The following UTP4 variants were observed in gnomAD, a reference collection of about 807,000 sequenced individuals.
The protein encoded by UTP4 is UTP4 small subunit processome component.
In UTP4, 45 loss-of-function variants were observed where a neutral mutation model predicts 82.4. That is an observed-to-expected ratio of 0.55 (90% confidence interval 0.43 to 0.70). UTP4 has a LOEUF of 0.70. Ranked by LOEUF, UTP4 falls within the 30% of genes least tolerant of loss-of-function variation. UTP4 has a pLI of 0.00. For missense variants in UTP4, 819 were observed against 858.3 expected (o/e 0.95, Z 0.57); for synonymous variants, 348 against 300.3 (o/e 1.16, Z -1.64).
rs986340403 is a variant in UTP4 at position 69,160,560 on chromosome 16, AT to A, written c.1551+101del. On this transcript the variant is annotated intron_variant, in intron 13 of 16. Coordinates refer to ENST00000314423, the MANE Select transcript of UTP4 (RefSeq NM_032830.3). Reference sequence around the variant, plus strand: ...CAAGGCAGATTGGCATGACCTGGAAATTTATTAGACTTTTTTCTTTTTATTT... The same window carrying A: ...CAAGGCAGATTGGCATGACCTGGAAATTATTAGACTTTTTTCTTTTTATTT... 3.5e-6 allele frequency: 3 copies of A among 854,832 alleles called. No homozygotes were observed. The Admixed American group carries it at 5.7e-5, about 16-fold the overall frequency. 53.0% of individuals were successfully genotyped at this position (854,832 alleles called of 1,614,324 possible).
Position 69,139,822 on chromosome 16 carries a change from A to T in UTP4, c.437-3A>T, listed in dbSNP as rs767875222. ...TTTCTTTTTTTGTTGTCCAACTCCC[A>T]AGGTCGCATCCTGAGTCTCAGCTGG... On this transcript the variant is annotated splice_region_variant and splice_polypyrimidine_tract_variant and intron_variant, in intron 4 of 16. Coordinates refer to ENST00000314423, the MANE Select transcript of UTP4 (RefSeq NM_032830.3). The T allele has an allele frequency of 1.2e-6, 2 of 1,611,332 alleles. No individual in the cohort carries two copies. The highest frequency in any genetic ancestry group is 1.7e-6 in the Non-Finnish European group (2 of 1,177,508).
At chr16:69,162,985 T>G (rs1353263791) in intron 13 of UTP4, 98 bp from the exon 14 acceptor site, 2 of 925,912 alleles carry the variant, frequency 2.2e-6, no homozygotes, top group Non-Finnish European at 3.6e-6. Flanking sequence ...TTTTGAATTA[T>G]GAGGAGCAGT....
chr16:69,145,716 A>G (rs1298555330), intron 6 of UTP4, among the ~76,000 whole-genome samples: 1 of 152,016 alleles, frequency 6.6e-6, no homozygotes, highest in Non-Finnish European at 1.5e-5. Flanking sequence ...CCTCAGGGCC[A>G]CCTTATGTGC....
chr16:69,136,654 A>C (rs1401050454), intron 2 of UTP4, 42 bp from the exon 3 acceptor site: 1 of 1,605,144 alleles, frequency 6.2e-7, no homozygotes. Context: ...CCGGTACCTG[A>C]TGAATTTGTG....
chr16:69,143,414 G>C, intron 6 of UTP4, 25 bp downstream of exon 6: 1 of 1,601,918 alleles, frequency 6.2e-7, no homozygotes, highest in Non-Finnish European at 8.6e-7. Context: ...TGTTTAGAGT[G>C]GTTGATGTAC....
chr16:69,167,343 T>G (rs1227165272), intron 16 of UTP4, 158 bp downstream of exon 16: 1 of 655,354 alleles, frequency 1.5e-6, no homozygotes, highest in Non-Finnish European at 2.7e-6. Context: ...CTGTCCCTTG[T>G]ATATGTTTTA....
At chr16:69,144,729 C>T (rs368598863) in intron 6 of UTP4, among the ~76,000 whole-genome samples, 2 of 151,992 alleles carry the variant, frequency 1.3e-5, no homozygotes, top group East Asian at 3.9e-4. Context: ...ATGTTAAGGC[C>T]CTGAAAAACA....
At chr16:69,147,262 G>A (rs978785879) in intron 6 of UTP4, among the ~76,000 whole-genome samples, 1 of 151,424 alleles carries the variant, frequency 6.6e-6, no homozygotes, top group Non-Finnish European at 1.5e-5. Context: ...CTACCACTTT[G>A]GGAGGCCGAT....
rs1963081133 is a variant in UTP4 at position 69,145,363 on chromosome 16, C to CGA, written c.738+1975_738+1976dup. Among the ~76,000 whole-genome samples, 9 of 151,868 alleles carry CGA rather than the reference C, an allele frequency of 5.9e-5. No homozygotes were observed. In the South Asian group the frequency reaches 1.9e-3, roughly 32 times the overall value. On this transcript the variant is annotated intron_variant, in intron 6 of 16. Transcript: ENST00000314423. Reference sequence around the variant, plus strand: ...ACAACCTCTGTCTCCTGGGTTCAAGCGATTCTCCTGACTCAGCCTCCCAAG... The same window carrying CGA: ...ACAACCTCTGTCTCCTGGGTTCAAGCGAGATTCTCCTGACTCAGCCTCCCAAG...
At chr16:69,141,923 G>T (rs1024552311) in intron 5 of UTP4, among the ~76,000 whole-genome samples, 1 of 151,376 alleles carries the variant, frequency 6.6e-6, no homozygotes, top group Non-Finnish European at 1.5e-5. Context: ...GTGCCATGCT[G>T]GTGTGCTGCA....
chr16:69,161,540 G>A (rs561465109), intron 13 of UTP4, among the ~76,000 whole-genome samples: 7 of 152,320 alleles, frequency 4.6e-5, no homozygotes, highest in Non-Finnish European at 8.8e-5. Context: ...TTTAAACCTG[G>A]TGTAGAGCTG....
intron 2 of UTP4, 123 bp from the exon 3 acceptor site, chr16:69,136,573 A>G (rs980192856): frequency 4.4e-6 from 4 of 900,884 alleles, no homozygotes; most frequent in Non-Finnish European, 7.5e-6. Context: ...GCATGATCTG[A>G]TAGCACAAAA....
intron 3 of UTP4, 45 bp from the exon 4 acceptor site, chr16:69,137,756 T>C: frequency 9.5e-7 from 1 of 1,057,478 alleles, no homozygotes; most frequent in South Asian, 1.3e-5. Context: ...TCCTATAAAA[T>C]GTTTACTATT....
chr16:69,138,227 T>TTTTC (rs1280536021), intron 4 of UTP4, among the ~76,000 whole-genome samples: 1 of 146,518 alleles, frequency 6.8e-6, no homozygotes. Flanking sequence ...ACTATGGTTC[T>TTTTC]TTTCTTTCTT....
intron 6 of UTP4, among the ~76,000 whole-genome samples, chr16:69,143,833 GATT>G (rs754407984): frequency 9.9e-5 from 15 of 152,208 alleles, no homozygotes; most frequent in Non-Finnish European, 1.8e-4. Context: ...AAAGTGCTGG[GATT>G]ATAGGCAGGA....
At chr16:69,147,676 G>A (rs185095370) in intron 6 of UTP4, among the ~76,000 whole-genome samples, 85 of 152,170 alleles carry the variant, frequency 5.6e-4, no homozygotes, top group African/African-American at 1.9e-3. Flanking sequence ...TTGGGGATGG[G>A]ACCCCAGCCT....
chr16:69,133,665 C>G (rs1438535516), intron 2 of UTP4, 47 bp downstream of exon 2: 1 of 1,589,288 alleles, frequency 6.3e-7, no homozygotes, highest in Non-Finnish European at 8.6e-7. Context: ...TTAATTTCTT[C>G]TGAAGTTCAA....
chr16:69,133,437 G>T, intron 1 of UTP4, 21 bp from the exon 2 acceptor site: 1 of 1,612,916 alleles, frequency 6.2e-7, no homozygotes, highest in South Asian at 1.1e-5. Context: ...TAGCAATAAT[G>T]ACTCTCTTTT....
intron 9 of UTP4, 106 bp from the exon 10 acceptor site, chr16:69,154,287 C>T: frequency 1.2e-6 from 1 of 867,578 alleles, no homozygotes; most frequent in Non-Finnish European, 1.9e-6. Context: ...TTTCTGATTT[C>T]CCACTGATAG....
Sources: gnomAD v4.1 joint callset for allele counts (sites outside exome capture counted in the v4.1 genomes callset) on GRCh38, gnomAD v4.1.1 for gene constraint, MANE v1.5 for transcripts, NCBI Gene and HGNC (gene_info 2026-07-23, HGNC 2026-07-21) for gene names.